Variants in ZNF385D observed in about 807,000 individuals in gnomAD.
ZNF385D encodes the protein zinc finger protein 385D, also known as zinc finger protein 659.
In ZNF385D, 15 loss-of-function variants were observed where a neutral mutation model predicts 35.8. That is an observed-to-expected ratio of 0.42 (90% confidence interval 0.28 to 0.64). ZNF385D has a LOEUF of 0.64. Among genes scored for constraint, ZNF385D ranks in the 30% least tolerant of loss-of-function variants. The pLI, the probability that ZNF385D is intolerant of heterozygous loss-of-function variation, is 0.23. For synonymous variants in ZNF385D, 212 were observed against 186.8 expected (o/e 1.13, Z -1.10); for missense variants, 474 against 494.6 (o/e 0.96, Z 0.39).
At chr3:22,071,250 T>G (rs1700216277) in intron 3 of ZNF385D, among the ~76,000 whole-genome samples, 2 of 152,156 alleles carry the variant, frequency 1.3e-5, no homozygotes, top group South Asian at 4.1e-4. Flanking sequence ...TCCAACTCAT[T>G]CTTCAGTATC....
At chr3:21,763,209 A>G (rs889014992) in intron 3 of ZNF385D, among the ~76,000 whole-genome samples, 2 of 152,166 alleles carry the variant, frequency 1.3e-5, no homozygotes, top group Non-Finnish European at 2.9e-5. Flanking sequence ...AGAAAAACCC[A>G]AGATTTAAAT....
At chr3:22,172,504 T>G (rs1322535594) in intron 2 of ZNF385D, among the ~76,000 whole-genome samples, 1 of 152,198 alleles carries the variant, frequency 6.6e-6, no homozygotes, top group African/African-American at 2.4e-5. Flanking sequence ...TGACGTAAGC[T>G]GAAATGTCAC....
intron 1 of ZNF385D, among the ~76,000 whole-genome samples, chr3:21,733,383 G>A (rs1404760584): frequency 6.6e-6 from 1 of 152,064 alleles, no homozygotes; most frequent in East Asian, 1.9e-4. Context: ...CCTCTCCACA[G>A]AAACTTTAGA....
At chr3:21,428,335 T>A (rs1701118726) in intron 5 of ZNF385D, among the ~76,000 whole-genome samples, 1 of 152,024 alleles carries the variant, frequency 6.6e-6, no homozygotes, top group Non-Finnish European at 1.5e-5. Context: ...TAGGAGATAA[T>A]AAACTGAGAC....
At chr3:21,832,877 C>T (rs1695088165) in intron 3 of ZNF385D, among the ~76,000 whole-genome samples, 1 of 152,144 alleles carries the variant, frequency 6.6e-6, no homozygotes, top group South Asian at 2.1e-4. Flanking sequence ...GATCCATGCA[C>T]CAGATATTCA....
chr3:21,538,113 G>A (rs1219888997), intron 3 of ZNF385D, among the ~76,000 whole-genome samples: 1 of 152,100 alleles, frequency 6.6e-6, no homozygotes, highest in Non-Finnish European at 1.5e-5. Flanking sequence ...GAGGGATGGA[G>A]TTGCCATCAT....
At chr3:22,365,501 T>G (rs1354216515) in intron 2 of ZNF385D, among the ~76,000 whole-genome samples, 1 of 152,136 alleles carries the variant, frequency 6.6e-6, no homozygotes, top group Non-Finnish European at 1.5e-5. Flanking sequence ...AAATTTTTTT[T>G]TGTTTGCAAA....
chr3:21,429,190 A>C (rs1701174986), intron 5 of ZNF385D, among the ~76,000 whole-genome samples: 1 of 151,940 alleles, frequency 6.6e-6, no homozygotes, highest in Non-Finnish European at 1.5e-5. Flanking sequence ...TTAGGTCACA[A>C]GATAAATTTA....
chr3:21,976,791 G>C (rs923677188), intron 3 of ZNF385D, among the ~76,000 whole-genome samples: 6 of 152,168 alleles, frequency 3.9e-5, no homozygotes, highest in Non-Finnish European at 8.8e-5. Context: ...AGGAGTTCGA[G>C]AACATCCTGG....
intron 1 of ZNF385D, among the ~76,000 whole-genome samples, chr3:21,700,454 C>T (rs1025517135): frequency 1.3e-5 from 2 of 152,144 alleles, no homozygotes; most frequent in Non-Finnish European, 2.9e-5. Context: ...AGCATTTATA[C>T]CATATGATTA....
chr3:22,082,984 T>C (rs1255292436), intron 3 of ZNF385D, among the ~76,000 whole-genome samples: 1 of 152,182 alleles, frequency 6.6e-6, no homozygotes, highest in Non-Finnish European at 1.5e-5. Context: ...CAGCTGAGGA[T>C]GCTGACTGTT....
intron 2 of ZNF385D, among the ~76,000 whole-genome samples, chr3:21,657,105 A>C (rs1356938653): frequency 6.6e-6 from 1 of 151,852 alleles, no homozygotes; most frequent in Non-Finnish European, 1.5e-5. Flanking sequence ...TCGATCTTTA[A>C]TGAGAAGAAC....
At chr3:21,444,806 C>T (rs1702061390) in intron 4 of ZNF385D, among the ~76,000 whole-genome samples, 1 of 130,160 alleles carries the variant, frequency 7.7e-6, no homozygotes, top group Non-Finnish European at 1.5e-5. Context: ...ATAATTTATC[C>T]AAAATTTAGG....
chr3:21,655,463 G>A (rs980132366), intron 2 of ZNF385D, among the ~76,000 whole-genome samples: 1 of 151,914 alleles, frequency 6.6e-6, no homozygotes, highest in African/African-American at 2.4e-5. Flanking sequence ...AACATTTAAA[G>A]TTATTTATTC....
intron 3 of ZNF385D, among the ~76,000 whole-genome samples, chr3:21,895,539 C>T (rs368940366): frequency 1.4e-5 from 2 of 147,422 alleles, no homozygotes; most frequent in Non-Finnish European, 3.0e-5. Flanking sequence ...TGGGGTTTCA[C>T]CATGTTGGCC....
At chr3:21,458,497 G>C (rs980857148) in intron 4 of ZNF385D, among the ~76,000 whole-genome samples, 2 of 151,346 alleles carry the variant, frequency 1.3e-5, no homozygotes, top group African/African-American at 4.9e-5. Flanking sequence ...GAAAGGGAAG[G>C]GAGAGAAAGA....
chr3:22,106,133 G>A (rs1407392044), intron 3 of ZNF385D, among the ~76,000 whole-genome samples: 1 of 152,058 alleles, frequency 6.6e-6, no homozygotes. Context: ...GCAGAGCCCA[G>A]GTATTTGTGG....
intron 2 of ZNF385D, among the ~76,000 whole-genome samples, chr3:22,184,828 A>G (rs1695520541): frequency 6.6e-6 from 1 of 152,102 alleles, no homozygotes; most frequent in Non-Finnish European, 1.5e-5. Flanking sequence ...AAAAAGGACA[A>G]ATGGACTACA....
intron 2 of ZNF385D, among the ~76,000 whole-genome samples, chr3:22,314,772 T>A (rs752036095): frequency 6.6e-6 from 1 of 152,156 alleles, no homozygotes; most frequent in Non-Finnish European, 1.5e-5. Context: ...TGGCTTTAAT[T>A]GCATTTTATC....
Sources: allele counts gnomAD v4.1 joint callset (sites outside exome capture counted in the v4.1 genomes callset), GRCh38; gene constraint gnomAD v4.1.1; transcripts MANE v1.5; gene names NCBI Gene and HGNC (gene_info 2026-07-23, HGNC 2026-07-21).